Variants in FBRSL1 observed in about 807,000 individuals in gnomAD.
FBRSL1 encodes fibrosin-1-like protein.
FBRSL1 carries 51 observed loss-of-function variants against 89.6 expected under a neutral mutation model. The ratio of observed to expected loss-of-function variants is 0.57; its 90% CI spans 0.45 to 0.72. The LOEUF is 0.72. Ranked by LOEUF, FBRSL1 falls within the 30% of genes least tolerant of loss-of-function variation. The probability of loss-of-function intolerance (pLI) is 0.00; values close to 1 mark genes in which losing one functional copy is unlikely to be tolerated. For missense variants in FBRSL1, 1,618 were observed against 1,451.8 expected (o/e 1.11, Z -1.86); for synonymous variants, 779 against 681.1 (o/e 1.14, Z -2.24).
chr12:132,567,169 T>TC (rs2039684894), intron 5 of FBRSL1, among the ~76,000 whole-genome samples: 6 of 151,640 alleles, frequency 4.0e-5, no homozygotes, highest in Admixed American at 3.9e-4. Context: ...ATGCCGGCGC[T>TC]CCCCCAGTCC....
intron 2 of FBRSL1, chr12:132,510,890 G>A (rs549086370): frequency 3.0e-6 from 3 of 1,011,468 alleles, no homozygotes; most frequent in African/African-American, 3.4e-5. Context: ...GAGTCTACGT[G>A]CACGCTTGCC....
intron 1 of FBRSL1, among the ~76,000 whole-genome samples, chr12:132,504,727 G>A (rs1479683584): frequency 6.6e-6 from 1 of 152,188 alleles, no homozygotes; most frequent in African/African-American, 2.4e-5. Context: ...GTGGTGCTGG[G>A]GACAGCTCCT....
chr12:132,511,365 C>A, intron 2 of FBRSL1: 7 of 985,738 alleles, frequency 7.1e-6, no homozygotes, highest in Non-Finnish European at 7.2e-6. Context: ...GGGCACACCT[C>A]ACACTACAAG....
chr12:132,493,705 C>T (rs899389299), intron 1 of FBRSL1, among the ~76,000 whole-genome samples: 10 of 152,128 alleles, frequency 6.6e-5, no homozygotes, highest in Non-Finnish European at 8.8e-5. Flanking sequence ...GGCAGGCCCC[C>T]GCCCCCTTTG....
At chr12:132,559,103 G>T (rs2038904662) in intron 5 of FBRSL1, among the ~76,000 whole-genome samples, 1 of 152,290 alleles carries the variant, frequency 6.6e-6, no homozygotes, top group Non-Finnish European at 1.5e-5. Flanking sequence ...GGAAGCCGTG[G>T]CTGGGCCTCG....
chr12:132,534,225 C>T (rs1272927197), intron 4 of FBRSL1, among the ~76,000 whole-genome samples: 2 of 152,222 alleles, frequency 1.3e-5, no homozygotes, highest in Non-Finnish European at 1.5e-5. Flanking sequence ...TCCGCCTCCA[C>T]TCCAGTCCTG....
At chr12:132,576,014 T>A (rs895432441) in intron 14 of FBRSL1, among the ~76,000 whole-genome samples, 1 of 152,142 alleles carries the variant, frequency 6.6e-6, no homozygotes, top group Non-Finnish European at 1.5e-5. Context: ...TGGCCCTGCC[T>A]CCCACAGCCG....
chr12:132,559,330 G>T (rs1332390398), intron 5 of FBRSL1, among the ~76,000 whole-genome samples: 1 of 152,240 alleles, frequency 6.6e-6, no homozygotes, highest in Non-Finnish European at 1.5e-5. Flanking sequence ...GGCTTGCAGC[G>T]GACGGGTGGG....
intron 6 of FBRSL1, among the ~76,000 whole-genome samples, chr12:132,567,772 C>A (rs2039729638): frequency 6.6e-6 from 1 of 152,138 alleles, no homozygotes; most frequent in Admixed American, 6.5e-5. Flanking sequence ...CAGAGTGGAA[C>A]CGTTAGGAAT....
chr12:132,521,558 A>T (rs1025633807), intron 2 of FBRSL1, among the ~76,000 whole-genome samples: 13 of 152,282 alleles, frequency 8.5e-5, no homozygotes, highest in Non-Finnish European at 1.9e-4. Flanking sequence ...CCAGGCCTGC[A>T]GGTGCAGAGG....
At chr12:132,548,354 G>A (rs1002985216) in intron 5 of FBRSL1, among the ~76,000 whole-genome samples, 5 of 152,178 alleles carry the variant, frequency 3.3e-5, no homozygotes, top group African/African-American at 1.2e-4. Context: ...CAGCTCCTGG[G>A]CAGCAGAGGG....
intron 4 of FBRSL1, among the ~76,000 whole-genome samples, chr12:132,533,698 T>G (rs992878733): frequency 8.5e-5 from 13 of 152,326 alleles, no homozygotes; most frequent in African/African-American, 3.1e-4. Flanking sequence ...CATGCCACAG[T>G]GATCATGTGC....
Position 132,546,707 on chromosome 12 carries a change from A to AC in FBRSL1, c.616-1288dup, listed in dbSNP as rs1047279268. Among the ~76,000 whole-genome samples, 49 of 150,242 alleles carry AC rather than the reference A, an allele frequency of 3.3e-4. No homozygotes were observed. The highest frequency in any genetic ancestry group is 1.6e-3 in the East Asian group (8 of 5,104). ...TGGGGGAGCCTGTCAGCCTCAGGAGACCCCCCCCACAGGCCCACCCCAGCT... is the reference window on the plus strand; with the variant it reads ...TGGGGGAGCCTGTCAGCCTCAGGAGACCCCCCCCCACAGGCCCACCCCAGCT... On this transcript the variant is annotated intron_variant, in intron 4 of 18. Transcript: ENST00000680143. This position sits in a 1 kb window ranked among gnomAD's most constrained non-coding sequence, Gnocchi z 4.0.
chr12:132,564,654 C>G lies in FBRSL1; in HGVS notation c.646-2827C>G, dbSNP rs113382591. On this transcript the variant is annotated intron_variant, in intron 5 of 18. Coordinates refer to ENST00000680143, the MANE Select transcript of FBRSL1 (RefSeq NM_001367871.1). ...GGGACTACAGGCGCCCGCCACCACGCCCGGCTAATTTTTTGTATTTTTAGT... is the reference window on the plus strand; with the variant it reads ...GGGACTACAGGCGCCCGCCACCACGGCCGGCTAATTTTTTGTATTTTTAGT... Among the ~76,000 whole-genome samples, 49 of 102,882 alleles carry G rather than the reference C, an allele frequency of 4.8e-4. 1 individual carries two copies. The highest frequency in any genetic ancestry group is 1.4e-3 in the South Asian group (4 of 2,882). The allele number at this position is 102,882 out of a possible 152,430, so 67.5% of individuals were successfully genotyped here.
At chr12:132,491,001 C>A (rs2030811333) in intron 1 of FBRSL1, 140 bp downstream of exon 1, 1 of 634,530 alleles carries the variant, frequency 1.6e-6, no homozygotes, top group African/African-American at 2.0e-5. Flanking sequence ...CCACTTGGTA[C>A]CCGTTCCAGG....
intron 2 of FBRSL1, among the ~76,000 whole-genome samples, chr12:132,521,332 T>C (rs2035332687): frequency 6.6e-6 from 1 of 152,212 alleles, no homozygotes; most frequent in Non-Finnish European, 1.5e-5. Flanking sequence ...TCTGCATACC[T>C]GTGCTCCATT....
Position 132,490,776 on chromosome 12 carries a change from G to A in FBRSL1, c.206G>A (p.Arg69His), listed in dbSNP as rs1225721621. 2 of 1,202,334 alleles carry A rather than the reference G, an allele frequency of 1.7e-6. No homozygotes were observed. Among genetic ancestry groups the A allele is most frequent in the Non-Finnish European group, 1.0e-6 (1 of 968,706 alleles). 74.5% of individuals were successfully genotyped at this position (1,202,334 alleles called of 1,614,324 possible). The stretch of plus-strand genomic sequence containing the variant: ...CCCCGCACCGCGCGTCCCCCGCGCC[G>A]CCGCCGCCGCGAGTCCAGCTCGCAG... ...PAPRTARPPR[R>H]RRRESSSQEE... Residue 69 changes from arginine (R) to histidine (H), a missense_variant, in exon 1 of 19, where the codon CGC becomes CAC. Coordinates refer to ENST00000680143, the MANE Select transcript of FBRSL1 (RefSeq NM_001367871.1).
intron 1 of FBRSL1, among the ~76,000 whole-genome samples, chr12:132,494,159 G>A (rs533536781): frequency 2.0e-4 from 31 of 152,282 alleles, no homozygotes; most frequent in Admixed American, 3.9e-4. Flanking sequence ...TGTTCTGACC[G>A]GGAACTCTGG....
rs531493123 is a variant in FBRSL1, at chr12:132,583,982, A to T, written c.*204A>T. On this transcript the variant is annotated 3_prime_UTR_variant, in exon 19 of 19. Coordinates refer to ENST00000680143, the MANE Select transcript of FBRSL1 (RefSeq NM_001367871.1). ...TTTGGGATTCGGCTGTTGGGAAAAA[A>T]AAATCGCGTTTGTACCTTTTCCCCC... The T allele has an allele frequency of 3.6e-6, 1 of 275,960 alleles. No individual in the cohort carries two copies. Among genetic ancestry groups the T allele is most frequent in the Non-Finnish European group, 6.8e-6 (1 of 147,768 alleles). 17.1% of individuals were successfully genotyped at this position (275,960 alleles called of 1,614,324 possible).
Sources: allele counts gnomAD v4.1 joint callset (sites outside exome capture counted in the v4.1 genomes callset), GRCh38; gene constraint gnomAD v4.1.1; non-coding constraint Gnocchi (gnomAD v3.1); transcripts MANE v1.5; gene names NCBI Gene and HGNC (gene_info 2026-07-23, HGNC 2026-07-21).